The following DNAH10 variants were observed in gnomAD, a reference collection of about 807,000 sequenced individuals.
The protein encoded by DNAH10 is dynein axonemal heavy chain 10.
Under a neutral mutation model 506.6 loss-of-function variants are expected in DNAH10, and 348 were observed. The ratio of observed to expected loss-of-function variants is 0.69; its 90% CI spans 0.63 to 0.75. The LOEUF is 0.75. Among genes scored for constraint, DNAH10 ranks in the 30% least tolerant of loss-of-function variants. DNAH10 has a pLI of 0.00. For synonymous variants in DNAH10, 2,059 were observed against 2,198.6 expected, an observed-to-expected ratio of 0.94 and a Z score of 1.78; for missense variants, 5,179 against 5,787.1, an observed-to-expected ratio of 0.89 and a Z score of 3.41.
rs745676296 is a variant in DNAH10, at chr12:123,919,711, C to T, written c.11506+762C>T. Among the ~76,000 whole-genome samples, 38 of 152,192 alleles carry T rather than the reference C, an allele frequency of 2.5e-4. No homozygotes were observed. Among genetic ancestry groups the T allele is most frequent in the Non-Finnish European group, 2.4e-4 (16 of 68,054 alleles). On this transcript the variant is annotated intron_variant, in intron 65 of 78. Coordinates refer to ENST00000673944, the MANE Select transcript of DNAH10 (RefSeq NM_001372106.1). The surrounding 1 kb of genome is among the most constrained non-coding windows in gnomAD (Gnocchi z 4.9). The stretch of plus-strand genomic sequence containing the variant: ...AACACTTCATGTCAATGGCATCATA[C>T]GGTGTGTGACTTCATGACTGGTATC...
rs1315550574 is a variant in DNAH10 at position 123,879,814 on chromosome 12, C to G, written c.8634+13C>G. Reference sequence around the variant, plus strand: ...GGCTCTGTTCCAGGTGGGGATGAGCCCCACCCTGTCCATGGGCTCACTTTC... The same window carrying G: ...GGCTCTGTTCCAGGTGGGGATGAGCGCCACCCTGTCCATGGGCTCACTTTC... On this transcript the variant is annotated intron_variant, in intron 50 of 78. Transcript: ENST00000673944. The G allele has an allele frequency of 1.2e-6, 2 of 1,610,964 alleles. No individual in the cohort carries two copies. Among genetic ancestry groups the G allele is most frequent in the African/African-American group, 2.7e-5 (2 of 74,926 alleles).
At chr12:123,809,756 A>G (rs551439985) in intron 19 of DNAH10, among the ~76,000 whole-genome samples, 1 of 152,210 alleles carries the variant, frequency 6.6e-6, no homozygotes, top group South Asian at 2.1e-4. Flanking sequence ...CATAATCCAG[A>G]TATCTTTGTG....
At chr12:123,775,018 A>T (rs531490543) in intron 5 of DNAH10, among the ~76,000 whole-genome samples, 1 of 152,360 alleles carries the variant, frequency 6.6e-6, no homozygotes, top group East Asian at 1.9e-4. Context: ...GAGGAAAATA[A>T]ACCCTGATAT....
In DNAH10 at chr12:123,762,326, T is replaced by G; in HGVS notation, c.-11T>G. 1 of 1,319,788 alleles carries G rather than the reference T, an allele frequency of 7.6e-7. No individual in the cohort carries two copies. 81.8% of individuals were successfully genotyped at this position (1,319,788 alleles called of 1,614,324 possible). A position where few individuals can be genotyped will look rare whatever the true frequency, so the allele number is the denominator to read the frequency against. ...GCCCTGCGCCCGGCTCCCTCTGCAC[T>G]GCGCGGCGCCATGGACGACCTGCGG... On this transcript the variant is annotated 5_prime_UTR_variant, in exon 1 of 79. Transcript: ENST00000673944. This position sits in a 1 kb window ranked among gnomAD's most constrained non-coding sequence, Gnocchi z 5.0.
chr12:123,856,072 CAT>C (rs1951375591), intron 36 of DNAH10, among the ~76,000 whole-genome samples: 1 of 147,010 alleles, frequency 6.8e-6, no homozygotes, highest in Non-Finnish European at 1.5e-5. Context: ...TCATATTACA[CAT>C]AATATCTTAT....
intron 48 of DNAH10, among the ~76,000 whole-genome samples, chr12:123,878,665 G>A (rs1300012691): frequency 6.6e-6 from 1 of 152,204 alleles, no homozygotes; most frequent in African/African-American, 2.4e-5. Flanking sequence ...GGGAGGCCAA[G>A]GGAGGAGGAT....
intron 35 of DNAH10, among the ~76,000 whole-genome samples, chr12:123,852,651 C>T (rs1351626121): frequency 1.3e-5 from 2 of 151,922 alleles, no homozygotes; most frequent in African/African-American, 4.8e-5. Flanking sequence ...CAGCTCACTG[C>T]AACCTCTGTC....
chr12:123,915,312 G>C (rs1004735000), intron 62 of DNAH10, among the ~76,000 whole-genome samples: 8 of 152,156 alleles, frequency 5.3e-5, no homozygotes, highest in African/African-American at 1.4e-4. Context: ...GAGCTGAGGT[G>C]GGGGATGGGG....
intron 9 of DNAH10, among the ~76,000 whole-genome samples, chr12:123,786,472 A>C (rs774710164): frequency 6.6e-6 from 1 of 151,706 alleles, no homozygotes; most frequent in Non-Finnish European, 1.5e-5. Flanking sequence ...CAATTGCCCA[A>C]GTCCTGGGAA....
At chr12:123,775,657 G>GCTCC (rs1957412096) in intron 5 of DNAH10, among the ~76,000 whole-genome samples, 1 of 152,178 alleles carries the variant, frequency 6.6e-6, no homozygotes, top group East Asian at 1.9e-4. Flanking sequence ...GGCCACTGTG[G>GCTCC]CTGGAGGGAG....
At chr12:123,898,494 T>C (rs1198772335) in intron 55 of DNAH10, among the ~76,000 whole-genome samples, 159 bp from the exon 56 acceptor site, 1 of 152,274 alleles carries the variant, frequency 6.6e-6, no homozygotes, top group African/African-American at 2.4e-5. Flanking sequence ...TTTTGGCTGA[T>C]GCTGTCCCAA....
intron 5 of DNAH10, 47 bp downstream of exon 5, chr12:123,774,311 T>C (rs1214079251): frequency 7.0e-7 from 1 of 1,432,084 alleles, no homozygotes; most frequent in Non-Finnish European, 9.6e-7. Flanking sequence ...AAAGTTGAGG[T>C]CATGTGGTTT....
intron 21 of DNAH10, among the ~76,000 whole-genome samples, chr12:123,817,840 C>T (rs1336991936): frequency 1.3e-5 from 2 of 152,052 alleles, no homozygotes; most frequent in African/African-American, 2.4e-5. Flanking sequence ...TAACTGGGTA[C>T]ATTAGCAAGC....
chr12:123,909,435 C>T lies in DNAH10; in HGVS notation c.9990C>T (p.Asn3330=). 6.3e-7 allele frequency: 1 copy of T among 1,590,770 alleles called. No individual in the cohort carries two copies. The highest frequency in any genetic ancestry group is 2.3e-5 in the East Asian group (1 of 44,412). Reference sequence around the variant, plus strand: ...CGATTACCCAGAGCCAAGTGAAAAACATCAAAGGTGAGTGTAGCCACGTGT... The same window carrying T: ...CGATTACCCAGAGCCAAGTGAAAAATATCAAAGGTGAGTGTAGCCACGTGT... ...FDSITQSQVK[N]IKGLLKTLNT... Residue 3330 remains asparagine, a synonymous_variant, in exon 58 of 79, where the codon AAC becomes AAT. Transcript: ENST00000673944. This position sits in a 1 kb window ranked among gnomAD's most constrained non-coding sequence, Gnocchi z 5.4.
chr12:123,933,222 C>A, intron 76 of DNAH10, 109 bp from the exon 77 acceptor site: 1 of 1,103,892 alleles, frequency 9.1e-7, no homozygotes, highest in Non-Finnish European at 1.2e-6. Context: ...CATCTTTTGC[C>A]ACTTAGGTGA....
intron 27 of DNAH10, 108 bp from the exon 28 acceptor site, chr12:123,835,298 C>T: frequency 1.5e-6 from 2 of 1,324,976 alleles, no homozygotes; most frequent in Non-Finnish European, 1.0e-6. Flanking sequence ...GGAAGGTCCT[C>T]CCACCTGAGT....
Position 123,903,921 on chromosome 12 carries a change from C to T in DNAH10, c.9815+808C>T, listed in dbSNP as rs983564732. ...AAGGAGATCAGTCTTCCTGGCCCCA[C>T]ACACGGGTCTCGCAGCCGAGAGGCT... On this transcript the variant is annotated intron_variant, in intron 57 of 78. Transcript: ENST00000673944. This position sits in a 1 kb window ranked among gnomAD's most constrained non-coding sequence, Gnocchi z 4.6. Among the ~76,000 whole-genome samples, 10 of 152,234 alleles carry T rather than the reference C, an allele frequency of 6.6e-5. No homozygotes were observed. Among genetic ancestry groups the T allele is most frequent in the African/African-American group, 2.2e-4 (9 of 41,462 alleles).
chr12:123,885,118 T>C (rs189385699), intron 51 of DNAH10, among the ~76,000 whole-genome samples: 47 of 152,260 alleles, frequency 3.1e-4, no homozygotes, highest in Admixed American at 2.7e-3. Context: ...AGTTGAGGAG[T>C]GTGCTGAAAG....
rs1955216215 is a variant in DNAH10 at position 123,931,704 on chromosome 12, A to AG, written c.12985_12986insG (p.Met4329SerfsTer6). The AG allele has an allele frequency of 6.2e-7, 1 of 1,614,066 alleles. No individual in the cohort carries two copies. Among genetic ancestry groups the AG allele is most frequent in the Non-Finnish European group, 8.5e-7 (1 of 1,179,904 alleles). On this transcript the variant is annotated frameshift_variant, in exon 75 of 79. Transcript: ENST00000673944. LOFTEE classifies it high-confidence loss of function. ...AGTGGCCAAAGAAATAGAAAACAAG[A>AG]TGCCCAAAGTCTTTGACTTGGACCA... is the stretch of plus-strand genomic sequence containing the variant.
Sources: allele counts gnomAD v4.1 joint callset (sites outside exome capture counted in the v4.1 genomes callset), GRCh38; gene constraint gnomAD v4.1.1; non-coding constraint Gnocchi (gnomAD v3.1); transcripts MANE v1.5; gene names NCBI Gene and HGNC (gene_info 2026-07-23, HGNC 2026-07-21).